Variants in NNT observed in about 807,000 individuals in gnomAD.
The protein encoded by NNT is nicotinamide nucleotide transhydrogenase, also known as NAD(P) transhydrogenase, mitochondrial.
A neutral mutation model predicts 104.8 loss-of-function variants in NNT; 50 were observed. The observed-to-expected ratio is 0.48, with a 90% confidence interval of 0.38 to 0.60. The LOEUF is 0.60. NNT is among the 20% of genes least tolerant of loss of function. NNT has a pLI of 0.00. For synonymous variants in NNT, 461 were observed against 490.4 expected, an observed-to-expected ratio of 0.94 and a Z score of 0.79; for missense variants, 1,131 against 1,330.7, an observed-to-expected ratio of 0.85 and a Z score of 2.33.
At chr5:43,658,518 G>A (rs1221124168) in intron 16 of NNT, among the ~76,000 whole-genome samples, 6 of 152,090 alleles carry the variant, frequency 3.9e-5, no homozygotes, top group Non-Finnish European at 8.8e-5. Flanking sequence ...AGCTAACTTG[G>A]CTAAACTCAA....
At chr5:43,680,646 T>TAA (rs1741655778) in intron 19 of NNT, among the ~76,000 whole-genome samples, 1 of 152,230 alleles carries the variant, frequency 6.6e-6, no homozygotes. Flanking sequence ...GAGACACTCC[T>TAA]GTTTTCCTTT....
chr5:43,678,599 GTTTCCGGT>G (rs1741545892), intron 19 of NNT, among the ~76,000 whole-genome samples: 1 of 152,122 alleles, frequency 6.6e-6, no homozygotes, highest in Non-Finnish European at 1.5e-5. Flanking sequence ...TATCTTTTTG[GTTTCCGGT>G]CACACTGAAT....
chr5:43,639,281 G>A (rs894538365), intron 7 of NNT, among the ~76,000 whole-genome samples: 2 of 152,130 alleles, frequency 1.3e-5, no homozygotes, highest in African/African-American at 2.4e-5. Flanking sequence ...AAAAGATACT[G>A]TGAATTCAGT....
chr5:43,610,471 C>A (rs1344897115), intron 2 of NNT, among the ~76,000 whole-genome samples: 1 of 152,106 alleles, frequency 6.6e-6, no homozygotes, highest in Non-Finnish European at 1.5e-5. Flanking sequence ...ATGTACCCAG[C>A]TAAAAATGGC....
At chr5:43,658,981 T>C (rs1316430636) in intron 16 of NNT, among the ~76,000 whole-genome samples, 190 bp from the exon 17 acceptor site, 1 of 152,020 alleles carries the variant, frequency 6.6e-6, no homozygotes, top group African/African-American at 2.4e-5. Context: ...GGGGGGTGGG[T>C]GGCTCAGTGT....
At chr5:43,690,191 C>G (rs1420127444) in intron 19 of NNT, among the ~76,000 whole-genome samples, 1 of 151,804 alleles carries the variant, frequency 6.6e-6, no homozygotes, top group Admixed American at 6.6e-5. Context: ...GAATTCATCA[C>G]AAAACAATCC....
At chr5:43,623,952 G>A (rs1750228882) in intron 5 of NNT, 80 bp from the exon 6 acceptor site, 1 of 1,280,584 alleles carries the variant, frequency 7.8e-7, no homozygotes, top group Non-Finnish European at 1.1e-6. Context: ...ACTTATACTA[G>A]GCACCAATAA....
At chr5:43,687,482 A>G (rs1030102722) in intron 19 of NNT, among the ~76,000 whole-genome samples, 3 of 152,146 alleles carry the variant, frequency 2.0e-5, no homozygotes, top group African/African-American at 7.2e-5. Context: ...ATTAATTTTA[A>G]TACATACTTT....
At position 43,611,709 on chromosome 5, in the gene NNT, G is replaced by A. The variant is rs1022337152; in HGVS notation, c.152-1199G>A. The stretch of plus-strand genomic sequence containing the variant: ...TCTTACTTAATAAGTTACTTTGTAG[G>A]GATAATTTCATTCATTTTGAAATTA... On this transcript the variant is annotated intron_variant, in intron 2 of 21. Coordinates refer to ENST00000344920, the MANE Select transcript of NNT (RefSeq NM_182977.3). Among the ~76,000 whole-genome samples, 6 of 152,050 alleles carry A rather than the reference G, an allele frequency of 3.9e-5. No individual in the cohort carries two copies. The East Asian group carries it at 1.2e-3, about 29-fold the overall frequency.
chr5:43,705,114 A>T lies in NNT; in HGVS notation c.*710A>T, dbSNP rs531818374. On this transcript the variant is annotated 3_prime_UTR_variant, in exon 22 of 22. Coordinates refer to ENST00000344920, the MANE Select transcript of NNT (RefSeq NM_182977.3). ...AAAATTAGTAATAGTATTTTTGAAGATCCCATTTCTAATTGGAGATCTCTT... is the reference window on the plus strand; with the variant it reads ...AAAATTAGTAATAGTATTTTTGAAGTTCCCATTTCTAATTGGAGATCTCTT... The T allele has an allele frequency of 6.6e-6, 1 of 152,268 alleles. No homozygotes were observed. Among genetic ancestry groups the T allele is most frequent in the East Asian group, 1.9e-4 (1 of 5,190 alleles). The allele number at this position is 152,268 out of a possible 1,614,324, so 9.4% of individuals were successfully genotyped here.
intron 3 of NNT, among the ~76,000 whole-genome samples, chr5:43,615,526 T>C (rs1023919122): frequency 1.3e-5 from 2 of 152,352 alleles, no homozygotes; most frequent in East Asian, 3.9e-4. Flanking sequence ...TAATAAGTTT[T>C]GGGGACTGCA....
chr5:43,618,111 C>T (rs1232248039), intron 4 of NNT, among the ~76,000 whole-genome samples: 1 of 152,040 alleles, frequency 6.6e-6, no homozygotes, highest in Non-Finnish European at 1.5e-5. Context: ...TAAAAATATC[C>T]TGTTAAAGAA....
intron 4 of NNT, among the ~76,000 whole-genome samples, chr5:43,617,698 TCTC>T (rs778676675): frequency 6.6e-5 from 10 of 152,192 alleles, no homozygotes. Context: ...TCCTGTGTAA[TCTC>T]CTTTTATTAT....
chr5:43,671,375 G>A (rs902011825), intron 17 of NNT, among the ~76,000 whole-genome samples: 1 of 152,172 alleles, frequency 6.6e-6, no homozygotes, highest in Non-Finnish European at 1.5e-5. Context: ...TTTCTTCCTA[G>A]CCTCGATGGT....
At chr5:43,674,686 CCTTT>C (rs1741315049) in intron 17 of NNT, among the ~76,000 whole-genome samples, 2 of 152,044 alleles carry the variant, frequency 1.3e-5, no homozygotes, top group South Asian at 4.2e-4. Context: ...TTTTTTTTCC[CCTTT>C]CTTTTACTAC....
In NNT at chr5:43,656,674, TC is replaced by T; in HGVS notation, c.2317del (p.Leu773TyrfsTer20). The T allele has an allele frequency of 6.2e-7, 1 of 1,613,368 alleles. No individual in the cohort carries two copies. The highest frequency in any genetic ancestry group is 1.1e-5 in the South Asian group (1 of 90,884). Reference protein sequence around the residue: ...KLQGLLKSAPLLLPGRHLLNA... With the variant: ...KLQGLLKSAPXLLPGRHLLNA... ...CTAGGTCTCCTGAAATCTGCCCCTC[TC>T]CTACTGCCTGGAAGGCACTTACTCA... is the stretch of plus-strand genomic sequence containing the variant. On this transcript the variant is annotated frameshift_variant, in exon 16 of 22. Coordinates refer to ENST00000344920, the MANE Select transcript of NNT (RefSeq NM_182977.3). LOFTEE classifies it high-confidence loss of function.
chr5:43,671,095 A>G (rs1399662675), intron 17 of NNT, among the ~76,000 whole-genome samples: 2 of 152,190 alleles, frequency 1.3e-5, no homozygotes, highest in Non-Finnish European at 2.9e-5. Context: ...ATCAGCGACT[A>G]GGATTGTAAC....
intron 13 of NNT, 92 bp from the exon 14 acceptor site, chr5:43,652,926 A>T: frequency 1.1e-6 from 1 of 898,680 alleles, no homozygotes; most frequent in Non-Finnish European, 1.7e-6. Flanking sequence ...TTAATATGTT[A>T]ATATTCCTAA....
chr5:43,627,952 G>A (rs376859382), intron 6 of NNT, among the ~76,000 whole-genome samples: 1 of 151,976 alleles, frequency 6.6e-6, no homozygotes, highest in East Asian at 1.9e-4. Flanking sequence ...TTGTGAAATC[G>A]CTTTTGCAAC....
Sources: gnomAD v4.1 joint callset for allele counts (sites outside exome capture counted in the v4.1 genomes callset) on GRCh38, gnomAD v4.1.1 for gene constraint, MANE v1.5 for transcripts, NCBI Gene and HGNC (gene_info 2026-07-23, HGNC 2026-07-21) for gene names.